Variants in ADGRL2 observed in about 807,000 individuals in gnomAD.
ADGRL2 encodes the protein adhesion G protein-coupled receptor L2.
In ADGRL2, 44 loss-of-function variants were observed where a neutral mutation model predicts 157.4. The ratio of observed to expected loss-of-function variants is 0.28; its 90% CI spans 0.22 to 0.36. ADGRL2 has a LOEUF of 0.36. Ranked by LOEUF, ADGRL2 falls within the 10% of genes least tolerant of loss-of-function variation. The pLI, the probability that ADGRL2 is intolerant of heterozygous loss-of-function variation, is 1.00. For missense variants in ADGRL2, 1,510 were observed against 1,768.9 expected, an observed-to-expected ratio of 0.85 and a Z score of 2.63; for synonymous variants, 585 against 624.7, an observed-to-expected ratio of 0.94 and a Z score of 0.95.
chr1:81,760,844 G>A (rs1344244960), intron 1 of ADGRL2, among the ~76,000 whole-genome samples: 1 of 150,882 alleles, frequency 6.6e-6, no homozygotes, highest in East Asian at 1.9e-4. Flanking sequence ...TTAAGAGCTT[G>A]CATTAAAAAT....
intron 2 of ADGRL2, among the ~76,000 whole-genome samples, chr1:81,454,715 A>G (rs956442416): frequency 2.0e-5 from 3 of 152,184 alleles, no homozygotes; most frequent in Admixed American, 6.5e-5. Flanking sequence ...GTCACATAAC[A>G]TTTAGATATC....
At chr1:81,466,752 G>A (rs951067682) in intron 2 of ADGRL2, among the ~76,000 whole-genome samples, 15 of 151,976 alleles carry the variant, frequency 9.9e-5, no homozygotes, top group African/African-American at 2.9e-4. Context: ...TAGCAAGTCT[G>A]TTCATTTAAT....
At chr1:81,694,323 G>A (rs1044214067) in intron 3 of ADGRL2, among the ~76,000 whole-genome samples, 1 of 152,048 alleles carries the variant, frequency 6.6e-6, no homozygotes, top group Non-Finnish European at 1.5e-5. Flanking sequence ...TCTTGGAAAA[G>A]TTACTTAACT....
At chr1:81,476,522 C>T (rs1037317239) in intron 2 of ADGRL2, among the ~76,000 whole-genome samples, 1 of 152,144 alleles carries the variant, frequency 6.6e-6, no homozygotes, top group Non-Finnish European at 1.5e-5. Flanking sequence ...GCTTTTTCAC[C>T]TCAAGCCCAG....
chr1:81,509,979 G>C (rs1298612958), intron 2 of ADGRL2, among the ~76,000 whole-genome samples: 1 of 152,124 alleles, frequency 6.6e-6, no homozygotes, highest in Non-Finnish European at 1.5e-5. Context: ...ACACAGTCAA[G>C]TCCAAAAAAA....
chr1:81,457,926 TTTGAA>T (rs1373241122), intron 2 of ADGRL2, among the ~76,000 whole-genome samples: 2 of 152,162 alleles, frequency 1.3e-5, no homozygotes, highest in African/African-American at 4.8e-5. Context: ...AACCTCAGAT[TTTGAA>T]TTGAATGACC....
At chr1:81,307,844 T>C (rs1471070645) in intron 1 of ADGRL2, among the ~76,000 whole-genome samples, 1 of 149,000 alleles carries the variant, frequency 6.7e-6, no homozygotes, top group African/African-American at 2.6e-5. Context: ...AGTCTTCTAT[T>C]GTAAAAAAAA....
intron 3 of ADGRL2, among the ~76,000 whole-genome samples, chr1:81,912,330 C>A (rs1457829855): frequency 6.6e-6 from 1 of 152,088 alleles, no homozygotes; most frequent in Non-Finnish European, 1.5e-5. Context: ...CCTCAGCCTC[C>A]CAAAGTGTTT....
At chr1:81,622,841 G>A (rs1367307338) in intron 3 of ADGRL2, among the ~76,000 whole-genome samples, 1 of 152,134 alleles carries the variant, frequency 6.6e-6, no homozygotes, top group African/African-American at 2.4e-5. Context: ...AAACATCATT[G>A]TTAATTTTGT....
At chr1:81,842,274 G>T (rs2092614928) in intron 2 of ADGRL2, among the ~76,000 whole-genome samples, 1 of 148,458 alleles carries the variant, frequency 6.7e-6, no homozygotes, top group Admixed American at 6.7e-5. Context: ...TTTCTTTGCA[G>T]ATTGTTCTTT....
At chr1:81,450,516 C>G (rs1055739514) in intron 2 of ADGRL2, among the ~76,000 whole-genome samples, 2 of 152,046 alleles carry the variant, frequency 1.3e-5, no homozygotes, top group Non-Finnish European at 2.9e-5. Context: ...AGGATTTGAA[C>G]CCACATCTCT....
chr1:81,809,277 T>A (rs924749873), intron 1 of ADGRL2, among the ~76,000 whole-genome samples: 2 of 151,996 alleles, frequency 1.3e-5, no homozygotes, highest in African/African-American at 4.8e-5. Context: ...TTGCGGTAGA[T>A]TTAGTACTTT....
intron 2 of ADGRL2, among the ~76,000 whole-genome samples, chr1:81,471,220 C>T (rs1171995333): frequency 6.6e-6 from 1 of 152,144 alleles, no homozygotes; most frequent in East Asian, 1.9e-4. Flanking sequence ...ATTTCTTGGG[C>T]AGCTCTGATA....
intron 1 of ADGRL2, among the ~76,000 whole-genome samples, chr1:81,753,346 C>T (rs1448372432): frequency 2.0e-5 from 3 of 152,090 alleles, no homozygotes; most frequent in Non-Finnish European, 4.4e-5. Flanking sequence ...TTGAGAGACC[C>T]ATTCACTATC....
intron 2 of ADGRL2, among the ~76,000 whole-genome samples, chr1:81,843,784 C>T (rs908255572): frequency 1.3e-5 from 2 of 152,044 alleles, no homozygotes; most frequent in Admixed American, 1.3e-4. Context: ...ATCTTATATA[C>T]CAATATTTAG....
In ADGRL2 at chr1:81,742,834, C is replaced by T. The variant is rs567533525; in HGVS notation, c.-142-18977C>T. ...AGAGTCAGTCTTACCACAAATTTTT[C>T]TCTGTCTCCAAGCCATTGCTTTTCC... is the stretch of plus-strand genomic sequence containing the variant. On this transcript the variant is annotated intron_variant, in intron 1 of 20. Coordinates refer to the ADGRL2 transcript ENST00000359929. 2.0e-5 allele frequency among the ~76,000 whole-genome samples: 3 copies of T among 152,120 alleles called. No individual in the cohort carries two copies. The South Asian group carries it at 6.2e-4, about 32-fold the overall frequency.
At chr1:81,361,901 A>T (rs2075984810) in intron 1 of ADGRL2, among the ~76,000 whole-genome samples, 1 of 151,742 alleles carries the variant, frequency 6.6e-6, no homozygotes, top group Admixed American at 6.6e-5. Flanking sequence ...TTCCTCCCCC[A>T]TTCAATAACC....
At chr1:81,630,240 G>C (rs34034114) in intron 3 of ADGRL2, among the ~76,000 whole-genome samples, 30,548 of 151,786 alleles carry the variant, frequency 0.2, 3,317 homozygotes, top group East Asian at 0.35. Context: ...GCAAAGCTGT[G>C]GTTTCAAGAG....
In ADGRL2 at chr1:81,456,524, C is replaced by T. The variant is rs557765145; in HGVS notation, c.-248+11435C>T. On this transcript the variant is annotated intron_variant, in intron 2 of 24. Transcript: ENST00000370721. ...AAGTGCTAGGGTTACAGGCATAAGC[C>T]GTCACTCCTGATCCCACTTTTTATT... Among the ~76,000 whole-genome samples, 10 of 152,146 alleles carry T rather than the reference C, an allele frequency of 6.6e-5. No homozygotes were observed. The South Asian group carries it at 1.5e-3, about 22-fold the overall frequency.
Sources: allele counts gnomAD v4.1 joint callset (sites outside exome capture counted in the v4.1 genomes callset), GRCh38; gene constraint gnomAD v4.1.1; transcripts MANE v1.5; gene names NCBI Gene and HGNC (gene_info 2026-07-23, HGNC 2026-07-21).